WASF2: variants seen among roughly 807,000 people sequenced by gnomAD.
WASF2 encodes actin-binding protein WASF2.
Under a neutral mutation model 45.0 loss-of-function variants are expected in WASF2, and 14 were observed. The ratio of observed to expected loss-of-function variants is 0.31; its 90% CI spans 0.21 to 0.49. The LOEUF (loss-of-function observed/expected upper bound fraction) is 0.49, where lower values mean the gene tolerates loss of function less well. WASF2 is among the 20% of genes least tolerant of loss of function. WASF2 has a pLI of 0.99. For missense variants in WASF2, 439 were observed against 636.1 expected, an observed-to-expected ratio of 0.69 and a Z score of 3.33; for synonymous variants, 200 against 236.3, an observed-to-expected ratio of 0.85 and a Z score of 1.41.
At position 27,414,054 on chromosome 1, in the gene WASF2, C is replaced by A. The variant is rs1329486537; in HGVS notation, c.668+779G>T. ...TCTTTCCTTTTATCATTCCTAGACA[C>A]CCAGCATGGGCTGGCATGGTTCTCT... On this transcript the variant is annotated intron_variant, in intron 6 of 8. Transcript: ENST00000618852. The surrounding 1 kb of genome is among the most constrained non-coding windows in gnomAD (Gnocchi z 4.1). Among the ~76,000 whole-genome samples, 1 of 152,134 alleles carries A rather than the reference C, an allele frequency of 6.6e-6. No individual in the cohort carries two copies. The highest frequency in any genetic ancestry group is 6.5e-5 in the Admixed American group (1 of 15,274).
rs184935589 is a variant in WASF2 at position 27,455,430 on chromosome 1, C to G, written c.-43-26497G>C. On this transcript the variant is annotated intron_variant, in intron 1 of 8. Coordinates refer to ENST00000618852, the MANE Select transcript of WASF2 (RefSeq NM_006990.5). ...ATCAACACATGACATAGCAGGAAAC[C>G]TGAAAATTTTTATCTGAGAATTGGG... Among the ~76,000 whole-genome samples, 405 of 152,160 alleles carry G rather than the reference C, an allele frequency of 2.7e-3. 4 individuals carry two copies. The highest frequency in any genetic ancestry group is 9.3e-3 in the African/African-American group (385 of 41,510).
At chr1:27,480,068 T>C (rs1016647529) in intron 1 of WASF2, among the ~76,000 whole-genome samples, 4 of 152,200 alleles carry the variant, frequency 2.6e-5, no homozygotes, top group African/African-American at 9.6e-5. Context: ...TCAGGAATAC[T>C]ATTCTTTAAA....
intron 2 of WASF2, among the ~76,000 whole-genome samples, chr1:27,422,564 AG>A (rs2148107986): frequency 6.9e-6 from 1 of 144,622 alleles, no homozygotes; most frequent in South Asian, 2.2e-4. Context: ...GCTTGCAGTG[AG>A]CCGAGATTGT....
chr1:27,457,039 T>C (rs2017478710), intron 1 of WASF2, among the ~76,000 whole-genome samples: 1 of 151,894 alleles, frequency 6.6e-6, no homozygotes, highest in Non-Finnish European at 1.5e-5. Flanking sequence ...CACCGGGTCC[T>C]GCCTGTATTT....
intron 1 of WASF2, among the ~76,000 whole-genome samples, chr1:27,488,683 G>C (rs1372830641): frequency 1.3e-5 from 2 of 152,142 alleles, no homozygotes; most frequent in Non-Finnish European, 2.9e-5. Context: ...TAACCTTCCA[G>C]AGATCAAGAC....
chr1:27,464,977 T>C (rs939831803), intron 1 of WASF2, among the ~76,000 whole-genome samples: 1 of 152,272 alleles, frequency 6.6e-6, no homozygotes, highest in Middle Eastern at 3.2e-3. Context: ...TCCACCCGCC[T>C]TGGCCTCCCA....
chr1:27,404,811 TGGTAGGAGGCAC>T lies in WASF2; in HGVS notation c.*3366_*3377del, dbSNP rs2016640844. 1 of 151,966 alleles carries T rather than the reference TGGTAGGAGGCAC, an allele frequency of 6.6e-6. No homozygotes were observed. The highest frequency in any genetic ancestry group is 1.5e-5 in the Non-Finnish European group (1 of 67,980). The allele number at this position is 151,966 out of a possible 1,614,324, so 9.4% of individuals were successfully genotyped here. ...CACTGAGGCACAGTTAAAGGGAACA[TGGTAGGAGGCAC>T]AGAAGGAGGCACAGAATGAGGCACA... is the stretch of plus-strand genomic sequence containing the variant. On this transcript the variant is annotated 3_prime_UTR_variant, in exon 9 of 9. Coordinates refer to ENST00000618852, the MANE Select transcript of WASF2 (RefSeq NM_006990.5).
intron 7 of WASF2, among the ~76,000 whole-genome samples, chr1:27,412,347 C>T (rs572000297): frequency 3.0e-4 from 45 of 152,238 alleles, no homozygotes; most frequent in African/African-American, 1.1e-3. Context: ...GATGGGACCA[C>T]AGGCGTTTGC....
intron 1 of WASF2, among the ~76,000 whole-genome samples, chr1:27,472,134 C>T (rs900432253): frequency 2.6e-5 from 4 of 151,968 alleles, no homozygotes; most frequent in African/African-American, 9.7e-5. Context: ...AGATGGAGAC[C>T]ACCCTGCCCA....
At chr1:27,473,403 G>A (rs2148139269) in intron 1 of WASF2, among the ~76,000 whole-genome samples, 1 of 138,970 alleles carries the variant, frequency 7.2e-6, no homozygotes, top group South Asian at 2.2e-4. Context: ...AGCCAAAACT[G>A]CACCACTGCA....
At chr1:27,438,847 G>A (rs1299005021) in intron 1 of WASF2, among the ~76,000 whole-genome samples, 4 of 152,184 alleles carry the variant, frequency 2.6e-5, no homozygotes, top group Admixed American at 2.6e-4. Flanking sequence ...CTGAAAAAGT[G>A]TCACACACAT....
chr1:27,485,308 A>G (rs2017908772), intron 1 of WASF2, among the ~76,000 whole-genome samples: 1 of 152,030 alleles, frequency 6.6e-6, no homozygotes, highest in Admixed American at 6.6e-5. Context: ...GGGGCAGGGC[A>G]TGAAGTCTCA....
At chr1:27,485,844 T>A (rs574461867) in intron 1 of WASF2, among the ~76,000 whole-genome samples, 2 of 152,328 alleles carry the variant, frequency 1.3e-5, no homozygotes, top group East Asian at 3.9e-4. Context: ...CCTGAGTAGC[T>A]GGGATTACAG....
chr1:27,415,031 A>G, intron 5 of WASF2, 68 bp from the exon 6 acceptor site: 2 of 1,563,922 alleles, frequency 1.3e-6, no homozygotes, highest in Non-Finnish European at 1.8e-6. Flanking sequence ...AATTCTACCC[A>G]TCTTCATGGA....
intron 1 of WASF2, among the ~76,000 whole-genome samples, chr1:27,480,477 A>G (rs1224987191): frequency 6.6e-6 from 1 of 151,910 alleles, no homozygotes; most frequent in African/African-American, 2.4e-5. Context: ...AGATAGCACC[A>G]CTGCACTCCA....
chr1:27,487,676 TTATATAA>T (rs1490505564), intron 1 of WASF2, among the ~76,000 whole-genome samples: 6 of 107,562 alleles, frequency 5.6e-5, no homozygotes, highest in Admixed American at 1.4e-4. Flanking sequence ...TATATATATT[TTATATAA>T]TATATAATAT....
chr1:27,438,447 T>C (rs1045590520), intron 1 of WASF2, among the ~76,000 whole-genome samples: 5 of 152,198 alleles, frequency 3.3e-5, no homozygotes, highest in Admixed American at 6.5e-5. Context: ...GTGTAACCAT[T>C]TGTTTTAATT....
intron 3 of WASF2, 49 bp from the exon 4 acceptor site, chr1:27,418,471 C>T: frequency 2.5e-6 from 4 of 1,612,868 alleles, no homozygotes; most frequent in Non-Finnish European, 3.4e-6. Flanking sequence ...GCTATTTGAG[C>T]AAACACTGAG....
chr1:27,443,354 C>A (rs1022637281), intron 1 of WASF2, among the ~76,000 whole-genome samples: 5 of 147,782 alleles, frequency 3.4e-5, no homozygotes, highest in Non-Finnish European at 5.9e-5. Flanking sequence ...TGGCTCATGC[C>A]TGTAGTCCCA....
Sources: gnomAD v4.1 joint callset for allele counts (sites outside exome capture counted in the v4.1 genomes callset) on GRCh38, gnomAD v4.1.1 for gene constraint, Gnocchi (gnomAD v3.1) non-coding constraint, MANE v1.5 for transcripts, NCBI Gene and HGNC (gene_info 2026-07-23, HGNC 2026-07-21) for gene names.